Variants in ESRRG observed in about 807,000 individuals in gnomAD.
ESRRG encodes the protein estrogen-related receptor gamma.
In ESRRG, 13 loss-of-function variants were observed where a neutral mutation model predicts 44.0. The observed-to-expected ratio is 0.30, with a 90% confidence interval of 0.19 to 0.47. The LOEUF (loss-of-function observed/expected upper bound fraction) is 0.47, where lower values mean the gene tolerates loss of function less well. Ranked by LOEUF, ESRRG falls within the 20% of genes least tolerant of loss-of-function variation. The probability of loss-of-function intolerance (pLI) is 1.00; values close to 1 mark genes in which losing one functional copy is unlikely to be tolerated. For synonymous variants in ESRRG, 215 were observed against 214.6 expected (o/e 1.00, Z -0.02); for missense variants, 395 against 580.6 (o/e 0.68, Z 3.29).
intron 5 of ESRRG, among the ~76,000 whole-genome samples, chr1:216,558,425 C>G (rs1000355326): frequency 6.6e-6 from 1 of 152,094 alleles, no homozygotes; most frequent in Non-Finnish European, 1.5e-5. Context: ...CAATGATTCT[C>G]TTGGTTAAAT....
chr1:216,888,538 C>T (rs2057354248), intron 2 of ESRRG, among the ~76,000 whole-genome samples: 1 of 152,064 alleles, frequency 6.6e-6, no homozygotes, highest in Non-Finnish European at 1.5e-5. Flanking sequence ...TCAGCATGTC[C>T]AGCAAGATAA....
intron 5 of ESRRG, among the ~76,000 whole-genome samples, chr1:216,550,764 G>T (rs558168568): frequency 6.6e-6 from 1 of 152,220 alleles, no homozygotes; most frequent in East Asian, 1.9e-4. Context: ...TTAAAGTAAA[G>T]ATACTGCCAT....
At chr1:216,753,185 C>A (rs1436671761) in intron 2 of ESRRG, among the ~76,000 whole-genome samples, 4 of 151,994 alleles carry the variant, frequency 2.6e-5, no homozygotes, top group Non-Finnish European at 4.4e-5. Context: ...TACACACACA[C>A]ACACACACAC....
At position 216,744,491 on chromosome 1, in the gene ESRRG, C is replaced by G. The variant is rs1016075504; in HGVS notation, c.-13-67000G>C. ...ATATGTGCACACAGACATGCACACA[C>G]ACACACACACACACACACACCTCTG... On this transcript the variant is annotated intron_variant, in intron 2 of 7. Transcript: ENST00000359162. 6.5e-4 allele frequency among the ~76,000 whole-genome samples: 96 copies of G among 147,794 alleles called. 1 individual carries two copies. Among genetic ancestry groups the G allele is most frequent in the Admixed American group, 2.8e-3 (42 of 14,794 alleles).
chr1:216,933,633 T>C (rs2063688517), intron 2 of ESRRG, among the ~76,000 whole-genome samples: 1 of 152,190 alleles, frequency 6.6e-6, no homozygotes, highest in Non-Finnish European at 1.5e-5. Flanking sequence ...AGAAGAATAA[T>C]TGGAAAGTGA....
intron 2 of ESRRG, among the ~76,000 whole-genome samples, chr1:216,939,165 C>G (rs2064691190): frequency 6.6e-6 from 1 of 151,822 alleles, no homozygotes; most frequent in African/African-American, 2.4e-5. Context: ...TAATATTTTA[C>G]TTCTTAGGCA....
chr1:216,605,790 A>C (rs971743171), intron 3 of ESRRG, among the ~76,000 whole-genome samples: 1 of 152,172 alleles, frequency 6.6e-6, no homozygotes, highest in African/African-American at 2.4e-5. Flanking sequence ...GAAACTATGA[A>C]AGAGAAAAGT....
At chr1:216,888,587 G>T (rs1335723426) in intron 2 of ESRRG, among the ~76,000 whole-genome samples, 1 of 152,022 alleles carries the variant, frequency 6.6e-6, no homozygotes, top group African/African-American at 2.4e-5. Flanking sequence ...TACCTACAGG[G>T]TCATGGGATT....
intron 1 of ESRRG, among the ~76,000 whole-genome samples, chr1:217,003,481 T>C (rs1384612261): frequency 6.6e-6 from 1 of 151,448 alleles, no homozygotes; most frequent in African/African-American, 2.4e-5. Context: ...ACTCTAAAAA[T>C]AATAATTTAA....
At chr1:216,844,989 C>G (rs577994284) in intron 2 of ESRRG, among the ~76,000 whole-genome samples, 2 of 152,190 alleles carry the variant, frequency 1.3e-5, no homozygotes, top group East Asian at 1.9e-4. Context: ...GGTCTCAGAT[C>G]CAATATTTTC....
chr1:216,581,635 A>ACGAG (rs1553374374), intron 3 of ESRRG, among the ~76,000 whole-genome samples: 3 of 150,054 alleles, frequency 2.0e-5, no homozygotes, highest in Non-Finnish European at 4.4e-5. Context: ...TGTTTAAATA[A>ACGAG]AGAGAGAGAG....
intron 1 of ESRRG, among the ~76,000 whole-genome samples, chr1:216,982,127 G>A (rs1425768476): frequency 6.6e-6 from 1 of 152,018 alleles, no homozygotes; most frequent in Non-Finnish European, 1.5e-5. Flanking sequence ...TTTAAAGATG[G>A]GTGATTTTTA....
chr1:216,598,916 C>G (rs952921690), intron 3 of ESRRG, among the ~76,000 whole-genome samples: 35 of 151,990 alleles, frequency 2.3e-4, no homozygotes, highest in African/African-American at 8.0e-4. Flanking sequence ...CTTTTGAAAT[C>G]TAGGTAAGGA....
chr1:216,902,997 G>T (rs1253175672), intron 2 of ESRRG, among the ~76,000 whole-genome samples: 2 of 152,208 alleles, frequency 1.3e-5, no homozygotes, highest in African/African-American at 4.8e-5. Flanking sequence ...GCCTTTGTGT[G>T]AAAAGCACAG....
chr1:216,826,148 A>G (rs1242107805), intron 2 of ESRRG, among the ~76,000 whole-genome samples: 1 of 151,804 alleles, frequency 6.6e-6, no homozygotes, highest in African/African-American at 2.4e-5. Context: ...CTAATGATAA[A>G]GTGCTCAAGT....
chr1:217,033,990 G>A (rs1358120651), intron 1 of ESRRG, among the ~76,000 whole-genome samples: 3 of 152,126 alleles, frequency 2.0e-5, no homozygotes, highest in African/African-American at 4.8e-5. Flanking sequence ...GAAACACTGT[G>A]CTTATCTGAA....
At chr1:216,838,886 G>A (rs1169663957) in intron 2 of ESRRG, among the ~76,000 whole-genome samples, 2 of 152,142 alleles carry the variant, frequency 1.3e-5, no homozygotes, top group African/African-American at 2.4e-5. Context: ...TTTTGCTGGT[G>A]GAGTGTCTTG....
chr1:217,029,518 T>C (rs1199070151), intron 1 of ESRRG, among the ~76,000 whole-genome samples: 1 of 152,238 alleles, frequency 6.6e-6, no homozygotes, highest in Non-Finnish European at 1.5e-5. Flanking sequence ...GTCATAAAGT[T>C]AATTTTCTAA....
At chr1:216,520,324 G>A (rs1447865722) in intron 5 of ESRRG, among the ~76,000 whole-genome samples, 1 of 152,068 alleles carries the variant, frequency 6.6e-6, no homozygotes, top group East Asian at 1.9e-4. Flanking sequence ...TTCAGTAAGT[G>A]TTGTTGTATG....
Sources: gnomAD v4.1 joint callset for allele counts (sites outside exome capture counted in the v4.1 genomes callset) on GRCh38, gnomAD v4.1.1 for gene constraint, MANE v1.5 for transcripts, NCBI Gene and HGNC (gene_info 2026-07-23, HGNC 2026-07-21) for gene names.